NMT1: variants seen among roughly 807,000 people sequenced by gnomAD.
NMT1 encodes glycylpeptide N-tetradecanoyltransferase 1.
NMT1 carries 12 observed loss-of-function variants against 63.4 expected under a neutral mutation model. The observed-to-expected ratio is 0.19, with a 90% CI of 0.12 to 0.31. NMT1 has a LOEUF of 0.31. Among genes scored for constraint, NMT1 ranks in the 10% least tolerant of loss-of-function variants. NMT1 has a pLI of 1.00. For missense variants in NMT1, 432 were observed against 634.6 expected (o/e 0.68, Z 3.43); for synonymous variants, 228 against 234.3 (o/e 0.97, Z 0.25).
At chr17:45,072,414 C>T (rs901094300) in intron 1 of NMT1, among the ~76,000 whole-genome samples, 3 of 150,658 alleles carry the variant, frequency 2.0e-5, no homozygotes, top group African/African-American at 7.3e-5. Flanking sequence ...CGTGTACCAC[C>T]ACCACACCTG....
intron 2 of NMT1, among the ~76,000 whole-genome samples, 186 bp from the exon 3 acceptor site, chr17:45,086,322 A>G (rs567823508): frequency 4.2e-4 from 64 of 151,808 alleles, no homozygotes; most frequent in Admixed American, 3.2e-3. Context: ...ACAGGGTTTC[A>G]CCATGTTGGT....
At chr17:45,093,608 TG>T in intron 3 of NMT1, 76 bp from the exon 4 acceptor site, 2 of 1,181,168 alleles carry the variant, frequency 1.7e-6, no homozygotes, top group Non-Finnish European at 2.5e-6. Flanking sequence ...GAATTTGCTC[TG>T]GTTGAGTTTT....
At position 45,102,938 on chromosome 17, in the gene NMT1, G is replaced by A. The variant is rs1025012380; in HGVS notation, c.994-13G>A. ...CAGCTCATCTCACTCCATCTCTTCTGTCTTGCCTCCAGACTCCCAAGACAG... is the reference window on the plus strand; with the variant it reads ...CAGCTCATCTCACTCCATCTCTTCTATCTTGCCTCCAGACTCCCAAGACAG... On this transcript the variant is annotated splice_polypyrimidine_tract_variant and intron_variant, in intron 8 of 11. Transcript: ENST00000258960. The A allele has an allele frequency of 4.4e-6, 7 of 1,603,446 alleles. No homozygotes were observed. The highest frequency in any genetic ancestry group is 6.0e-6 in the Non-Finnish European group (7 of 1,172,054).
chr17:45,085,370 T>A (rs1423238754), intron 2 of NMT1, among the ~76,000 whole-genome samples: 2 of 152,158 alleles, frequency 1.3e-5, no homozygotes, highest in Non-Finnish European at 2.9e-5. Context: ...GTGGACTTGG[T>A]AGAATGGGTA....
Position 45,105,153 on chromosome 17 carries a change from C to G in NMT1, c.1470+157C>G, listed in dbSNP as rs1479741826. 6.6e-6 allele frequency among the ~76,000 whole-genome samples: 1 copy of G among 152,194 alleles called. No homozygotes were observed. Among genetic ancestry groups the G allele is most frequent in the Admixed American group, 6.5e-5 (1 of 15,280 alleles). ...GCCCTCCCTCTGCTGGCCAGACCAG[C>G]AGGTCAGCGTTCCCCTCTCAGCAAC... On this transcript the variant is annotated intron_variant, in intron 11 of 11. Transcript: ENST00000258960. The surrounding 1 kb of genome is among the most constrained non-coding windows in gnomAD (Gnocchi z 4.2).
intron 2 of NMT1, among the ~76,000 whole-genome samples, chr17:45,083,297 C>T (rs545180495): frequency 4.6e-4 from 67 of 146,316 alleles, no homozygotes; most frequent in African/African-American, 1.7e-3. Context: ...TCAGCCTGGG[C>T]GAAAGGGTGA....
rs370373374 is a variant in NMT1 at position 45,085,963 on chromosome 17, A to C, written c.241-545A>C. Reference sequence around the variant, plus strand: ...CAGCCTCCTGAGTAGCTGGGATTACAGGGACACGCCGCCATGCCTGGCTAA... The same window carrying C: ...CAGCCTCCTGAGTAGCTGGGATTACCGGGACACGCCGCCATGCCTGGCTAA... On this transcript the variant is annotated intron_variant, in intron 2 of 11. Transcript: ENST00000258960. Among the ~76,000 whole-genome samples, 3 of 151,318 alleles carry C rather than the reference A, an allele frequency of 2.0e-5. No homozygotes were observed. The South Asian group carries it at 6.2e-4, about 32-fold the overall frequency.
intron 1 of NMT1, among the ~76,000 whole-genome samples, chr17:45,076,896 AT>A (rs1567863761): frequency 6.6e-6 from 1 of 152,186 alleles, no homozygotes; most frequent in African/African-American, 2.4e-5. Context: ...TTGCTCTCTG[AT>A]TTTAGTTTCG....
intron 1 of NMT1, among the ~76,000 whole-genome samples, chr17:45,078,138 A>G (rs528015106): frequency 2.6e-5 from 4 of 152,272 alleles, no homozygotes; most frequent in African/African-American, 2.4e-5. Flanking sequence ...GTGGGAGGCA[A>G]GAGTGGACAG....
At chr17:45,100,065 A>G (rs1042175590) in intron 8 of NMT1, among the ~76,000 whole-genome samples, 2 of 151,702 alleles carry the variant, frequency 1.3e-5, no homozygotes, top group Non-Finnish European at 2.9e-5. Flanking sequence ...AAATGCTCCA[A>G]CTGTGGCTGG....
At chr17:45,099,937 G>A (rs907565171) in intron 8 of NMT1, 1 of 155,572 alleles carries the variant, frequency 6.4e-6, no homozygotes, top group African/African-American at 2.4e-5. Flanking sequence ...GAGCTTGTGA[G>A]GGATCCCCGA....
intron 2 of NMT1, 95 bp downstream of exon 2, chr17:45,081,847 C>T: frequency 1.1e-6 from 1 of 921,422 alleles, no homozygotes; most frequent in Admixed American, 2.6e-5. Flanking sequence ...TTGACGTTCT[C>T]CACTGGTATT....
intron 1 of NMT1, among the ~76,000 whole-genome samples, chr17:45,080,164 TC>T (rs1336916299): frequency 6.8e-6 from 1 of 146,024 alleles, no homozygotes; most frequent in East Asian, 2.1e-4. Context: ...CTTTTTTTTT[TC>T]CCTTTTTTTT....
At chr17:45,080,936 G>T (rs1381477698) in intron 1 of NMT1, among the ~76,000 whole-genome samples, 2 of 151,830 alleles carry the variant, frequency 1.3e-5, no homozygotes, top group Non-Finnish European at 2.9e-5. Context: ...CCCAGCTAAT[G>T]TTTATATTTT....
chr17:45,094,873 C>T (rs1262852156), intron 4 of NMT1, among the ~76,000 whole-genome samples: 7 of 143,806 alleles, frequency 4.9e-5, no homozygotes, highest in South Asian at 2.2e-4. Flanking sequence ...AGTGCAGTGG[C>T]GCGATCTTGG....
At position 45,105,065 on chromosome 17, in the gene NMT1, C is replaced by G. The variant is rs2054193983; in HGVS notation, c.1470+69C>G. On this transcript the variant is annotated intron_variant, in intron 11 of 11. Coordinates refer to ENST00000258960, the MANE Select transcript of NMT1 (RefSeq NM_021079.5). This position sits in a 1 kb window ranked among gnomAD's most constrained non-coding sequence, Gnocchi z 4.2. ...GTCCATGTCTCCAGCAGAAACCGGGCCATGGGTTGAGGAGACAGCCGCAGT... is the reference window on the plus strand; with the variant it reads ...GTCCATGTCTCCAGCAGAAACCGGGGCATGGGTTGAGGAGACAGCCGCAGT... The G allele has an allele frequency of 6.3e-7, 1 of 1,598,326 alleles. No individual in the cohort carries two copies. The highest frequency in any genetic ancestry group is 1.3e-5 in the African/African-American group (1 of 74,648).
intron 1 of NMT1, chr17:45,071,358 G>T (rs990399159): frequency 6.6e-6 from 1 of 152,186 alleles, no homozygotes; most frequent in Non-Finnish European, 1.5e-5. Flanking sequence ...TTGTCTGTGT[G>T]TGTAGAGACA....
intron 6 of NMT1, 57 bp downstream of exon 6, chr17:45,097,301 G>A: frequency 7.5e-7 from 1 of 1,328,434 alleles, no homozygotes. Flanking sequence ...CTTGGTCTGG[G>A]AGAGAGTAGA....
chr17:45,094,671 C>A (rs571818889), intron 4 of NMT1, among the ~76,000 whole-genome samples: 1 of 150,014 alleles, frequency 6.7e-6, no homozygotes, highest in East Asian at 2.0e-4. Flanking sequence ...AGTGCCACCA[C>A]GCCCAGCTAA....
Sources: allele counts gnomAD v4.1 joint callset (sites outside exome capture counted in the v4.1 genomes callset), GRCh38; gene constraint gnomAD v4.1.1; non-coding constraint Gnocchi (gnomAD v3.1); transcripts MANE v1.5; gene names NCBI Gene and HGNC (gene_info 2026-07-23, HGNC 2026-07-21).